CDC16: variants seen among roughly 807,000 people sequenced by gnomAD.
CDC16 encodes cell division cycle protein 16 homolog.
A neutral mutation model predicts 87.0 loss-of-function variants in CDC16; 34 were observed. The observed-to-expected ratio is 0.39, with a 90% CI of 0.30 to 0.52. CDC16 has a LOEUF of 0.52. Among genes scored for constraint, CDC16 ranks in the 20% least tolerant of loss-of-function variants. The pLI is 0.74. For missense variants in CDC16, 653 were observed against 751.9 expected (o/e 0.87, Z 1.54); for synonymous variants, 263 against 260.6 (o/e 1.01, Z -0.09).
chr13:114,251,147 G>T (rs2082151209), intron 12 of CDC16, among the ~76,000 whole-genome samples: 1 of 152,076 alleles, frequency 6.6e-6, no homozygotes, highest in Non-Finnish European at 1.5e-5. Flanking sequence ...TGACTGTTTG[G>T]TCTCACCATC....
At chr13:114,235,459 A>G (rs1452237682) in intron 1 of CDC16, among the ~76,000 whole-genome samples, 1 of 152,248 alleles carries the variant, frequency 6.6e-6, no homozygotes, top group Non-Finnish European at 1.5e-5. Context: ...TTTTTGGAGG[A>G]AAGTTGCAGG....
intron 14 of CDC16, 36 bp downstream of exon 14, chr13:114,259,434 C>A: frequency 8.4e-7 from 1 of 1,196,706 alleles, no homozygotes; most frequent in Non-Finnish European, 1.2e-6. Context: ...TACACATATA[C>A]ACCCCTGAGT....
Position 114,246,979 on chromosome 13 carries a change from A to G in CDC16, c.946A>G (p.Asn316Asp). 6.2e-7 allele frequency: 1 copy of G among 1,612,706 alleles called. No individual in the cohort carries two copies. Among genetic ancestry groups the G allele is most frequent in the Non-Finnish European group, 8.5e-7 (1 of 1,178,764 alleles). Residue 316 changes from asparagine to aspartate, a missense_variant, in exon 11 of 18, where the codon AAT (asparagine) becomes GAT (aspartate). By Grantham distance (23) the Asn-to-Asp change is conservative. Transcript: ENST00000356221. ...TTACTATCTCATGGTCGGTCATAAA[A>G]ATGAACATGCCAGAAGATATCTCAG... ...GCYYLMVGHK[N>D]EHARRYLSKA... is the part of the protein sequence containing the mutation.
At chr13:114,258,836 G>C (rs1174104679) in intron 13 of CDC16, among the ~76,000 whole-genome samples, 1 of 152,020 alleles carries the variant, frequency 6.6e-6, no homozygotes, top group African/African-American at 2.4e-5. Context: ...GGTGGCTCCC[G>C]TCTGTAATCC....
At chr13:114,258,698 C>T (rs1396874583) in intron 13 of CDC16, among the ~76,000 whole-genome samples, 1 of 152,096 alleles carries the variant, frequency 6.6e-6, no homozygotes, top group Non-Finnish European at 1.5e-5. Context: ...ACGCATTGAT[C>T]AATTAGAGAA....
At chr13:114,258,537 T>C (rs1295804363) in intron 13 of CDC16, among the ~76,000 whole-genome samples, 2 of 152,264 alleles carry the variant, frequency 1.3e-5, no homozygotes, top group Admixed American at 6.5e-5. Context: ...GATACACTTT[T>C]GTGTTACAGA....
chr13:114,261,081 C>T (rs1033133225), intron 14 of CDC16, among the ~76,000 whole-genome samples: 1 of 152,108 alleles, frequency 6.6e-6, no homozygotes, highest in Non-Finnish European at 1.5e-5. Flanking sequence ...TTTGCATACA[C>T]CTCAGTCCTG....
At chr13:114,244,147 G>A (rs1399904761) in intron 8 of CDC16, among the ~76,000 whole-genome samples, 158 bp downstream of exon 8, 2 of 152,304 alleles carry the variant, frequency 1.3e-5, no homozygotes, top group Non-Finnish European at 2.9e-5. Context: ...TCTTAAAAGA[G>A]CAATTTACAG....
intron 13 of CDC16, 78 bp downstream of exon 13, chr13:114,257,308 C>A (rs2082559759): frequency 0.013 from 7,376 of 550,734 alleles, no homozygotes; most frequent in Non-Finnish European, 0.016. Context: ...AGTTCACTGA[C>A]AAAAGCGACT....
intron 1 of CDC16, 35 bp from the exon 2 acceptor site, chr13:114,236,610 G>T: frequency 6.3e-7 from 1 of 1,594,440 alleles, no homozygotes. Context: ...AAAATAACAG[G>T]GCAGTTACCA....
intron 5 of CDC16, among the ~76,000 whole-genome samples, chr13:114,239,999 C>G (rs1053877555): frequency 4.9e-5 from 7 of 142,212 alleles, no homozygotes; most frequent in African/African-American, 2.0e-4. Context: ...TTACAGATCA[C>G]TAATCTGGAT....
chr13:114,261,224 G>A (rs761799112), intron 14 of CDC16, among the ~76,000 whole-genome samples: 83 of 152,164 alleles, frequency 5.5e-4, no homozygotes, highest in Middle Eastern at 3.2e-3. Flanking sequence ...GGAGGGTTAA[G>A]TGTGGATCAC....
intron 5 of CDC16, among the ~76,000 whole-genome samples, chr13:114,240,987 AATTC>A (rs1388155908): frequency 6.6e-6 from 1 of 152,220 alleles, no homozygotes; most frequent in Non-Finnish European, 1.5e-5. Flanking sequence ...AGACTCTCAT[AATTC>A]ATTATTTTTT....
chr13:114,238,942 A>T, intron 3 of CDC16, 48 bp from the exon 4 acceptor site: 1 of 1,575,216 alleles, frequency 6.3e-7, no homozygotes, highest in Admixed American at 1.8e-5. Context: ...GAAAGTGAAG[A>T]TACATATTAT....
Position 114,272,574 on chromosome 13 carries a change from C to CGGG in CDC16, c.*131_*132insGGG. 1 of 722,432 alleles carries CGGG rather than the reference C, an allele frequency of 1.4e-6. No homozygotes were observed. Among genetic ancestry groups the CGGG allele is most frequent in the Non-Finnish European group, 2.2e-6 (1 of 447,610 alleles). 44.8% of individuals were successfully genotyped at this position (722,432 alleles called of 1,614,324 possible). A position where few individuals can be genotyped will look rare whatever the true frequency, so the allele number is the denominator to read the frequency against. The stretch of plus-strand genomic sequence containing the variant: ...CATCTCTACATTTAGGAACAGAGAC[C>CGGG]CGCCTTAAGAGACTGGATCGCACAC... On this transcript the variant is annotated 3_prime_UTR_variant, in exon 18 of 18. Coordinates refer to ENST00000356221, the MANE Select transcript of CDC16 (RefSeq NM_001078645.3).
At chr13:114,264,231 CCTTT>C in intron 16 of CDC16, 1 of 152,220 alleles carries the variant, frequency 6.6e-6, no homozygotes, top group East Asian at 1.9e-4. Context: ...GTATAATTTA[CCTTT>C]CTTCTGAGAT....
chr13:114,270,678 ACTTGACT>A (rs2083560925), intron 17 of CDC16, among the ~76,000 whole-genome samples: 1 of 152,154 alleles, frequency 6.6e-6, no homozygotes, highest in African/African-American at 2.4e-5. Flanking sequence ...GGGGATTCAC[ACTTGACT>A]CTTGGTTTTA....
intron 16 of CDC16, 80 bp downstream of exon 16, chr13:114,263,094 A>G (rs2082951499): frequency 8.1e-7 from 1 of 1,240,032 alleles, no homozygotes; most frequent in Non-Finnish European, 1.2e-6. Context: ...TTTCTAGGTA[A>G]TATTGACTTA....
chr13:114,250,814 T>A (rs2082131099), intron 12 of CDC16, 140 bp downstream of exon 12: 2 of 844,432 alleles, frequency 2.4e-6, no homozygotes, highest in African/African-American at 1.7e-5. Context: ...TTGCTTGTGA[T>A]TGTAAAATAA....
Sources: allele counts gnomAD v4.1 joint callset (sites outside exome capture counted in the v4.1 genomes callset), GRCh38; gene constraint gnomAD v4.1.1; transcripts MANE v1.5; gene names NCBI Gene and HGNC (gene_info 2026-07-23, HGNC 2026-07-21).